SLC11A2: variants seen among roughly 807,000 people sequenced by gnomAD.
SLC11A2 encodes the protein solute carrier family 11 member 2.
In SLC11A2, 38 loss-of-function variants were observed where a neutral mutation model predicts 68.0. That is an observed-to-expected ratio of 0.56 (90% CI 0.43 to 0.73). The LOEUF is 0.73. SLC11A2 is among the 30% of genes least tolerant of loss of function. The probability of loss-of-function intolerance (pLI) is 0.00; values close to 1 mark genes in which losing one functional copy is unlikely to be tolerated. For missense variants in SLC11A2, 517 were observed against 690.5 expected (o/e 0.75, Z 2.82); for synonymous variants, 242 against 250.6 (o/e 0.97, Z 0.32).
In SLC11A2 at chr12:51,005,425, A is replaced by G. The variant is rs1365581673; in HGVS notation, c.195T>C (p.Phe65=). The G allele has an allele frequency of 7.4e-6, 12 of 1,613,892 alleles. No individual in the cohort carries two copies. The South Asian group carries it at 9.9e-5, about 13-fold the overall frequency. Residue 65 remains phenylalanine, a synonymous_variant, in exon 4 of 16, where the codon TTT becomes TTC. Coordinates refer to ENST00000262052, the MANE Select transcript of SLC11A2 (RefSeq NM_000617.3). ...TGAAAGCCCAGAGTTTACGAAAGCTAAAACAAGAGTACTGTACAAGAGAGG... is the reference window on the plus strand; with the variant it reads ...TGAAAGCCCAGAGTTTACGAAAGCTGAAACAAGAGTACTGTACAAGAGAGG... The part of the protein sequence containing the change: ...ISIPEEEYSC[F]SFRKLWAFTG...
At chr12:51,005,705 C>T (rs1402569923) in intron 3 of SLC11A2, 1 of 1,310,554 alleles carries the variant, frequency 7.6e-7, no homozygotes, top group Non-Finnish European at 1.0e-6. Flanking sequence ...GTATCAGTAC[C>T]TCTGTGCCCA....
chr12:51,011,546 TGA>T (rs1378307810), intron 1 of SLC11A2, among the ~76,000 whole-genome samples: 2 of 142,426 alleles, frequency 1.4e-5, no homozygotes, highest in Non-Finnish European at 1.5e-5. Context: ...CCCTATTTTA[TGA>T]GTTGTTTTTT....
intron 5 of SLC11A2, among the ~76,000 whole-genome samples, chr12:51,004,361 T>C (rs894355299): frequency 5.3e-5 from 8 of 152,168 alleles, no homozygotes; most frequent in Non-Finnish European, 1.2e-4. Context: ...TTGCCACATA[T>C]AGTTTGTACT....
downstream of SLC11A2, chr12:50,981,667 C>T (rs1275467129): frequency 1.8e-6 from 2 of 1,116,560 alleles, no homozygotes; most frequent in East Asian, 2.6e-5. Flanking sequence ...GTTAACGGGA[C>T]ACCTGGCACA....
intron 1 of SLC11A2, among the ~76,000 whole-genome samples, chr12:51,013,553 TG>T (rs1333462236): frequency 6.6e-6 from 1 of 151,712 alleles, no homozygotes; most frequent in Non-Finnish European, 1.5e-5. Context: ...ATTAAGGCAC[TG>T]GAAAATCAGC....
intron 13 of SLC11A2, 128 bp downstream of exon 13, chr12:50,992,062 T>C: frequency 1.1e-6 from 1 of 948,090 alleles, no homozygotes; most frequent in Non-Finnish European, 1.7e-6. Context: ...ATACATTTAC[T>C]GCAGACCACA....
chr12:50,996,270 C>A (rs968909085), intron 9 of SLC11A2, among the ~76,000 whole-genome samples: 8 of 152,178 alleles, frequency 5.3e-5, no homozygotes, highest in African/African-American at 1.9e-4. Flanking sequence ...CACTTCCAAC[C>A]TTTTATGAAG....
At position 50,987,507 on chromosome 12, in the gene SLC11A2, G is replaced by A. The variant is rs1423467361; in HGVS notation, c.*818C>T. On this transcript the variant is annotated 3_prime_UTR_variant, in exon 16 of 16. Transcript: ENST00000262052. ...CATCTGTTTCTATCACCACCCTCCT[G>A]GAGAAAGAAAGTTAAGGTTTTACAA... 10 of 1,287,130 alleles carry A rather than the reference G, an allele frequency of 7.8e-6. No homozygotes were observed. The highest frequency in any genetic ancestry group is 1.0e-5 in the Non-Finnish European group (10 of 988,684). 79.7% of individuals were successfully genotyped at this position (1,287,130 alleles called of 1,614,324 possible).
At chr12:50,972,878 G>A in the SLC11A2 span, among the ~76,000 whole-genome samples, 58 of 152,302 alleles carry the variant, frequency 3.8e-4, no homozygotes, top group African/African-American at 1.2e-3. Context: ...CTACACCCAC[G>A]GAGCCTCACT....
rs1021246266 is a variant in SLC11A2 at position 50,995,542 on chromosome 12, T to C, written c.990+87A>G. 9 of 1,278,990 alleles carry C rather than the reference T, an allele frequency of 7.0e-6. No homozygotes were observed. In the African/African-American group the frequency reaches 1.3e-4, roughly 19 times the overall value. The allele number at this position is 1,278,990 out of a possible 1,614,324, so 79.2% of individuals were successfully genotyped here. On this transcript the variant is annotated intron_variant, in intron 10 of 15. Transcript: ENST00000262052. ...GATTATTTCTCCTGAACATTAACAC[T>C]AGGATGAGGTATTTTCCTTCCCCAT...
chr12:50,956,164 G>A, the SLC11A2 span, among the ~76,000 whole-genome samples: 1 of 152,182 alleles, frequency 6.6e-6, no homozygotes, highest in African/African-American at 2.4e-5. Context: ...GGCCAAGGTG[G>A]GTGGATCACT....
chr12:51,022,067 T>C (rs752212313), intron 1 of SLC11A2, among the ~76,000 whole-genome samples: 17 of 152,188 alleles, frequency 1.1e-4, no homozygotes, highest in Non-Finnish European at 2.1e-4. Flanking sequence ...TCAGGGTCAC[T>C]AAAGTCTTAC....
chr12:50,957,785 T>C, the SLC11A2 span, among the ~76,000 whole-genome samples: 1 of 151,852 alleles, frequency 6.6e-6, no homozygotes, highest in Non-Finnish European at 1.5e-5. Flanking sequence ...CTCAAGAGGC[T>C]GAGACAGGAG....
chr12:50,984,315 A>T (rs1245247679), downstream of SLC11A2, among the ~76,000 whole-genome samples: 1 of 152,182 alleles, frequency 6.6e-6, no homozygotes, highest in Admixed American at 6.5e-5. Flanking sequence ...GGGCTAGGAA[A>T]ACACTGTATT....
At chr12:50,953,070 T>C in the SLC11A2 span, among the ~76,000 whole-genome samples, 1 of 152,144 alleles carries the variant, frequency 6.6e-6, no homozygotes, top group African/African-American at 2.4e-5. Flanking sequence ...AGCAGGGTGC[T>C]GGAAATCTTG....
At chr12:50,980,837 A>G (rs1939980617), downstream of SLC11A2, 1 of 152,242 alleles carries the variant, frequency 6.6e-6, no homozygotes, top group Non-Finnish European at 1.5e-5. Context: ...GAAGATAAAT[A>G]TCTTCACTAT....
intron 5 of SLC11A2, chr12:51,000,745 C>T (rs1184526984): frequency 1.7e-6 from 1 of 585,438 alleles, no homozygotes; most frequent in Non-Finnish European, 3.0e-6. Flanking sequence ...TAAAAACAAT[C>T]CTAAAAAGTT....
At position 50,992,354 on chromosome 12, in the gene SLC11A2, A is replaced by G; in HGVS notation, c.1198-15T>C. 6.2e-7 allele frequency: 1 copy of G among 1,613,448 alleles called. No homozygotes were observed. Among genetic ancestry groups the G allele is most frequent in the Non-Finnish European group, 8.5e-7 (1 of 1,179,770 alleles). The stretch of plus-strand genomic sequence containing the variant: ...TTCAGGAATCCCTGGAAGAAAACAT[A>G]GGAGCAGATGACTGTCTGCAACAGG... On this transcript the variant is annotated splice_polypyrimidine_tract_variant and intron_variant, in intron 12 of 15. Transcript: ENST00000262052.
At chr12:51,008,367 G>A (rs951678147) in intron 3 of SLC11A2, 109 bp downstream of exon 3, 6 of 810,978 alleles carry the variant, frequency 7.4e-6, no homozygotes, top group Non-Finnish European at 1.1e-5. Flanking sequence ...TTCAGAGATT[G>A]CCAGCCAAAA....
Sources: allele counts gnomAD v4.1 joint callset (sites outside exome capture counted in the v4.1 genomes callset), GRCh38; gene constraint gnomAD v4.1.1; transcripts MANE v1.5; gene names NCBI Gene and HGNC (gene_info 2026-07-23, HGNC 2026-07-21).